FAM76A: variants seen among roughly 807,000 people sequenced by gnomAD.
FAM76A encodes protein FAM76A.
A neutral mutation model predicts 46.2 loss-of-function variants in FAM76A; 32 were observed. The ratio of observed to expected loss-of-function variants is 0.69; its 90% confidence interval spans 0.52 to 0.93. The LOEUF (loss-of-function observed/expected upper bound fraction) is 0.93, where lower values mean the gene tolerates loss of function less well. Among genes scored for constraint, FAM76A ranks in the 40% least tolerant of loss-of-function variants. The probability of loss-of-function intolerance (pLI) is 0.00; values close to 1 mark genes in which losing one functional copy is unlikely to be tolerated. For synonymous variants in FAM76A, 137 were observed against 127.0 expected (o/e 1.08, Z -0.53); for missense variants, 274 against 361.5 (o/e 0.76, Z 1.96).
At chr1:27,738,347 G>A (rs778942794) in intron 4 of FAM76A, among the ~76,000 whole-genome samples, 2 of 151,844 alleles carry the variant, frequency 1.3e-5, no homozygotes, top group Admixed American at 6.6e-5. Flanking sequence ...AAAATAAGCC[G>A]GGCATGGTGG....
At chr1:27,734,704 C>T (rs1447968524) in intron 4 of FAM76A, among the ~76,000 whole-genome samples, 1 of 152,166 alleles carries the variant, frequency 6.6e-6, no homozygotes, top group Non-Finnish European at 1.5e-5. Flanking sequence ...AATTGAATTA[C>T]AGTGATCACG....
intron 4 of FAM76A, chr1:27,740,332 C>CA: frequency 1.1e-6 from 1 of 936,724 alleles, no homozygotes; most frequent in Non-Finnish European, 1.7e-6. Context: ...TATTTGGCAC[C>CA]ATGGACTAAT....
At chr1:27,726,330 C>G (rs2087858440) in intron 1 of FAM76A, among the ~76,000 whole-genome samples, 169 bp downstream of exon 1, 1 of 151,976 alleles carries the variant, frequency 6.6e-6, no homozygotes, top group Admixed American at 6.5e-5. Flanking sequence ...CGTGCGGGAG[C>G]CGGGACCCGG....
chr1:27,748,025 A>C (rs1037357319), intron 5 of FAM76A, among the ~76,000 whole-genome samples: 3 of 152,184 alleles, frequency 2.0e-5, no homozygotes, highest in African/African-American at 7.2e-5. Flanking sequence ...TTGGTAGATA[A>C]GTTGATCTTG....
intron 2 of FAM76A, among the ~76,000 whole-genome samples, chr1:27,731,890 C>T (rs535088252): frequency 9.2e-5 from 14 of 152,148 alleles, no homozygotes; most frequent in South Asian, 2.1e-4. Flanking sequence ...GGTGAGGTCT[C>T]GGCTTACTGC....
Position 27,734,029 on chromosome 1 carries a change from A to G in FAM76A, c.202-2A>G. ...TACTTGACTCTTTTTTCCCCTTTTA[A>G]GCCCAAACCTTGTCAGTATTGCAAC... On this transcript the variant is annotated splice_acceptor_variant, in intron 3 of 8. Transcript: ENST00000373954. LOFTEE classifies it high-confidence loss of function. The G allele has an allele frequency of 6.3e-7, 1 of 1,599,928 alleles. No individual in the cohort carries two copies. Among genetic ancestry groups the G allele is most frequent in the Non-Finnish European group, 8.5e-7 (1 of 1,176,988 alleles).
At chr1:27,758,136 G>A (rs2088445533) in intron 7 of FAM76A, among the ~76,000 whole-genome samples, 1 of 152,166 alleles carries the variant, frequency 6.6e-6, no homozygotes, top group South Asian at 2.1e-4. Flanking sequence ...GAATAGCTAA[G>A]ACATTGATGT....
At chr1:27,746,548 C>T (rs921674259) in intron 5 of FAM76A, among the ~76,000 whole-genome samples, 2 of 152,096 alleles carry the variant, frequency 1.3e-5, no homozygotes, top group African/African-American at 4.8e-5. Context: ...TGGTGAAACC[C>T]TGTTTCTACT....
intron 2 of FAM76A, among the ~76,000 whole-genome samples, chr1:27,730,744 T>C (rs1035524383): frequency 4.6e-5 from 7 of 152,324 alleles, no homozygotes; most frequent in Admixed American, 4.6e-4. Flanking sequence ...GTTTTTCTTT[T>C]GTCTATTTTA....
chr1:27,746,663 G>T (rs142015980), intron 5 of FAM76A, among the ~76,000 whole-genome samples: 1,942 of 152,246 alleles, frequency 0.013, 53 homozygotes, highest in African/African-American at 0.044. Context: ...GGAGGCGGAG[G>T]TTGCAGTAAG....
At chr1:27,727,173 G>A (rs1199680033) in intron 1 of FAM76A, among the ~76,000 whole-genome samples, 22 of 152,206 alleles carry the variant, frequency 1.4e-4, no homozygotes, top group Non-Finnish European at 1.5e-5. Context: ...CACAGTGGCA[G>A]AAGAACCAGG....
At chr1:27,752,599 A>T (rs527494393) in intron 6 of FAM76A, among the ~76,000 whole-genome samples, 2 of 152,194 alleles carry the variant, frequency 1.3e-5, no homozygotes, top group East Asian at 3.9e-4. Context: ...GTTTCATTTT[A>T]TTCTCCGTCT....
At chr1:27,739,427 C>T in intron 4 of FAM76A, 1 of 501,942 alleles carries the variant, frequency 2.0e-6, no homozygotes, top group Non-Finnish European at 4.0e-6. Context: ...AAATGTTTTT[C>T]TCTAAGGATT....
At chr1:27,760,009 G>A (rs1379557268) in intron 8 of FAM76A, 10 of 458,066 alleles carry the variant, frequency 2.2e-5, no homozygotes, top group African/African-American at 4.0e-5. Flanking sequence ...CTGGCTTCAA[G>A]CAATCCTCCC....
rs964777086 is a variant in FAM76A at position 27,732,609 on chromosome 1, C to T, written c.153C>T (p.Thr51=). 2.5e-6 allele frequency: 4 copies of T among 1,607,438 alleles called. No individual in the cohort carries two copies. The African/African-American group carries it at 5.3e-5, about 21-fold the overall frequency. ...TCTCTTTCTTCCTTAACAGTAAAAC[C>T]AATACAATATGCAAGAAATGTGCTC... ...CRTEYQQESK[T]NTICKKCAQN... Residue 51 remains threonine (T), a synonymous_variant, in exon 3 of 9, where the codon ACC becomes ACT. Coordinates refer to ENST00000373954, the MANE Select transcript of FAM76A (RefSeq NM_152660.3).
At chr1:27,728,225 G>A (rs1240290081) in intron 2 of FAM76A, among the ~76,000 whole-genome samples, 1 of 152,128 alleles carries the variant, frequency 6.6e-6, no homozygotes, top group Non-Finnish European at 1.5e-5. Flanking sequence ...GTTTCAATAT[G>A]TACATACACA....
chr1:27,740,962 C>G (rs1168934582), intron 4 of FAM76A, among the ~76,000 whole-genome samples: 1 of 151,766 alleles, frequency 6.6e-6, no homozygotes. Context: ...CCCATCTCTA[C>G]TAAAATACAA....
At chr1:27,740,892 G>A (rs966580984) in intron 4 of FAM76A, among the ~76,000 whole-genome samples, 3 of 152,022 alleles carry the variant, frequency 2.0e-5, no homozygotes, top group Non-Finnish European at 4.4e-5. Context: ...ACTTTGGGAG[G>A]CCGAGGAGGG....
intron 6 of FAM76A, among the ~76,000 whole-genome samples, chr1:27,753,734 A>G (rs2088367560): frequency 6.6e-6 from 1 of 152,178 alleles, no homozygotes; most frequent in South Asian, 2.1e-4. Flanking sequence ...TAGGCTTGCT[A>G]TTTGGAGTTT....
Sources: gnomAD v4.1 joint callset for allele counts (sites outside exome capture counted in the v4.1 genomes callset) on GRCh38, gnomAD v4.1.1 for gene constraint, MANE v1.5 for transcripts, NCBI Gene and HGNC (gene_info 2026-07-23, HGNC 2026-07-21) for gene names.